HIKESHI: variants seen among roughly 807,000 people sequenced by gnomAD.
The protein encoded by HIKESHI is protein Hikeshi.
HIKESHI carries 13 observed loss-of-function variants against 25.7 expected under a neutral mutation model. The ratio of observed to expected loss-of-function variants is 0.51; its 90% CI spans 0.33 to 0.80. The LOEUF (loss-of-function observed/expected upper bound fraction) is 0.80. HIKESHI is among the 30% of genes least tolerant of loss of function. The pLI is 0.02. For synonymous variants in HIKESHI, 76 were observed against 78.7 expected, an observed-to-expected ratio of 0.97 and a Z score of 0.18; for missense variants, 174 against 229.5, an observed-to-expected ratio of 0.76 and a Z score of 1.56.
intron 2 of HIKESHI, among the ~76,000 whole-genome samples, chr11:86,307,143 CAAAT>C (rs1401808770): frequency 1.8e-5 from 2 of 112,600 alleles, no homozygotes; most frequent in Non-Finnish European, 3.4e-5. Flanking sequence ...CATCATATAT[CAAAT>C]ATATATTATG....
At chr11:86,307,618 ATATT>A (rs1210350282) in intron 2 of HIKESHI, among the ~76,000 whole-genome samples, 1 of 104,030 alleles carries the variant, frequency 9.6e-6, no homozygotes, top group Non-Finnish European at 1.8e-5. Context: ...TATAAAATAT[ATATT>A]ATGTGTAGTA....
chr11:86,344,448 A>G (rs1207005148), intron 3 of HIKESHI, 155 bp from the exon 4 acceptor site: 5 of 478,896 alleles, frequency 1.0e-5, no homozygotes, highest in African/African-American at 4.0e-5. Flanking sequence ...GATTACAGGC[A>G]TGAGCCACCG....
chr11:86,306,644 A>C (rs1946631131), intron 2 of HIKESHI, among the ~76,000 whole-genome samples, 162 bp downstream of exon 2: 1 of 152,134 alleles, frequency 6.6e-6, no homozygotes. Flanking sequence ...ACATTTGAAA[A>C]ATAGTGAAAG....
At chr11:86,317,998 T>C (rs1460112625) in intron 2 of HIKESHI, among the ~76,000 whole-genome samples, 1 of 152,024 alleles carries the variant, frequency 6.6e-6, no homozygotes, top group East Asian at 1.9e-4. Flanking sequence ...ATAATTTACT[T>C]TCAAGAGTAG....
chr11:86,314,278 A>G (rs1360136774), intron 2 of HIKESHI, among the ~76,000 whole-genome samples: 2 of 152,024 alleles, frequency 1.3e-5, no homozygotes, highest in African/African-American at 4.8e-5. Flanking sequence ...ACCTCCTCAC[A>G]GAGGAGGTAG....
At chr11:86,330,691 T>A (rs907456546) in intron 2 of HIKESHI, among the ~76,000 whole-genome samples, 1 of 152,250 alleles carries the variant, frequency 6.6e-6, no homozygotes, top group Non-Finnish European at 1.5e-5. Context: ...GCTTTTCTGA[T>A]GAATTAGAAA....
intron 2 of HIKESHI, among the ~76,000 whole-genome samples, chr11:86,319,430 T>G (rs1331980640): frequency 6.7e-5 from 10 of 150,254 alleles, no homozygotes; most frequent in Non-Finnish European, 3.0e-5. Context: ...TGTTGTTGTT[T>G]TTTGTTTGTA....
chr11:86,334,275 A>G (rs1258996689), intron 2 of HIKESHI, among the ~76,000 whole-genome samples: 1 of 120,884 alleles, frequency 8.3e-6, no homozygotes, highest in Non-Finnish European at 1.8e-5. Flanking sequence ...TGTGTGTGTA[A>G]AGTTTCCATT....
At chr11:86,303,073 G>C (rs893309365) in intron 1 of HIKESHI, among the ~76,000 whole-genome samples, 2 of 152,158 alleles carry the variant, frequency 1.3e-5, no homozygotes, top group Non-Finnish European at 2.9e-5. Flanking sequence ...AGAAGGATGC[G>C]AGTAGTGTGT....
At chr11:86,322,399 CTA>C (rs1565731418) in intron 2 of HIKESHI, among the ~76,000 whole-genome samples, 2 of 151,404 alleles carry the variant, frequency 1.3e-5, no homozygotes, top group Non-Finnish European at 2.9e-5. Context: ...TTTAAGAGTT[CTA>C]TATGTGTGTG....
At position 86,337,322 on chromosome 11, in the gene HIKESHI, A is replaced by G. The variant is rs1947591333; in HGVS notation, c.269-57A>G. On this transcript the variant is annotated intron_variant, in intron 2 of 4. Transcript: ENST00000278483. ...GAGGTTCTTTATAAATTTACAAAGGAAATTGTGTGACTACAAGTTTAATTT... is the reference window on the plus strand; with the variant it reads ...GAGGTTCTTTATAAATTTACAAAGGGAATTGTGTGACTACAAGTTTAATTT... 2.0e-6 allele frequency: 3 copies of G among 1,510,332 alleles called. No homozygotes were observed. In the South Asian group the frequency reaches 3.9e-5, roughly 19 times the overall value. 93.6% of individuals were successfully genotyped at this position (1,510,332 alleles called of 1,614,324 possible).
At position 86,307,003 on chromosome 11, in the gene HIKESHI, G is replaced by GAA. The variant is rs200914438; in HGVS notation, c.268+530_268+531dup. On this transcript the variant is annotated intron_variant, in intron 2 of 4. Coordinates refer to ENST00000278483, the MANE Select transcript of HIKESHI (RefSeq NM_016401.4). ...TGACAGAGCGAGACTCTGTCTCAAAGAAAAAAAAAATATATATATATATAT... is the reference window on the plus strand; with the variant it reads ...TGACAGAGCGAGACTCTGTCTCAAAGAAAAAAAAAAAATATATATATATATAT... 2.5e-4 allele frequency among the ~76,000 whole-genome samples: 28 copies of GAA among 112,690 alleles called. 1 individual carries two copies. Among genetic ancestry groups the GAA allele is most frequent in the East Asian group, 1.3e-3 (5 of 3,784 alleles). The allele number at this position is 112,690 out of a possible 152,430, so 73.9% of individuals were successfully genotyped here.
At chr11:86,309,803 C>G (rs1305758873) in intron 2 of HIKESHI, among the ~76,000 whole-genome samples, 1 of 152,138 alleles carries the variant, frequency 6.6e-6, no homozygotes, top group Non-Finnish European at 1.5e-5. Flanking sequence ...AGCCAGTTTT[C>G]CCAGCACCAT....
At chr11:86,328,917 T>C (rs983885968) in intron 2 of HIKESHI, among the ~76,000 whole-genome samples, 16 of 145,416 alleles carry the variant, frequency 1.1e-4, no homozygotes, top group Admixed American at 4.9e-4. Context: ...TGTGTGTGTG[T>C]GTGTGTGTGT....
intron 2 of HIKESHI, among the ~76,000 whole-genome samples, chr11:86,310,495 A>G (rs1005977849): frequency 6.6e-4 from 100 of 152,248 alleles, no homozygotes; most frequent in Middle Eastern, 3.4e-3. Context: ...TAAATACACA[A>G]TGTCATCTGC....
chr11:86,329,449 T>C (rs532872319), intron 2 of HIKESHI, among the ~76,000 whole-genome samples: 1 of 152,316 alleles, frequency 6.6e-6, no homozygotes, highest in African/African-American at 2.4e-5. Context: ...AAGGGTATGA[T>C]ATATATTGAA....
At chr11:86,307,341 A>T (rs1162660582) in intron 2 of HIKESHI, among the ~76,000 whole-genome samples, 2 of 96,488 alleles carry the variant, frequency 2.1e-5, no homozygotes, top group Non-Finnish European at 4.0e-5. Context: ...AATATACATT[A>T]TATATCAAAT....
At chr11:86,313,307 T>G (rs937919145) in intron 2 of HIKESHI, among the ~76,000 whole-genome samples, 3 of 152,214 alleles carry the variant, frequency 2.0e-5, no homozygotes, top group African/African-American at 2.4e-5. Flanking sequence ...CTTTGCTCAC[T>G]GCAATCTCCA....
chr11:86,344,868 G>T, intron 4 of HIKESHI, 147 bp downstream of exon 4: 1 of 533,120 alleles, frequency 1.9e-6, no homozygotes, highest in Non-Finnish European at 3.3e-6. Context: ...GTACTATAGA[G>T]ATCTGATGAG....
Sources: allele counts gnomAD v4.1 joint callset (sites outside exome capture counted in the v4.1 genomes callset), GRCh38; gene constraint gnomAD v4.1.1; transcripts MANE v1.5; gene names NCBI Gene and HGNC (gene_info 2026-07-23, HGNC 2026-07-21).